Variants in ATXN3 observed in about 807,000 individuals in gnomAD.
The protein encoded by ATXN3 is ataxin-3.
ATXN3 carries 28 observed loss-of-function variants against 58.2 expected under a neutral mutation model. That is an observed-to-expected ratio of 0.48 (90% CI 0.36 to 0.66). The LOEUF is 0.66. Ranked by LOEUF, ATXN3 falls within the 30% of genes least tolerant of loss-of-function variation. The pLI is 0.00. For missense variants in ATXN3, 321 were observed against 422.1 expected (o/e 0.76, Z 2.10); for synonymous variants, 113 against 138.5 (o/e 0.82, Z 1.29).
At chr14:92,071,659 A>G in intron 9 of ATXN3, 1 of 248,698 alleles carries the variant, frequency 4.0e-6, no homozygotes. Context: ...TTCTTATGCA[A>G]ATGAGTGTTG....
intron 10 of ATXN3, among the ~76,000 whole-genome samples, chr14:92,066,774 A>AAT (rs1555395319): frequency 7.1e-6 from 1 of 140,546 alleles, no homozygotes; most frequent in African/African-American, 2.7e-5. Context: ...AGCCTGGATA[A>AAT]TTTTTTTTTT....
chr14:92,063,312 C>G lies in ATXN3; in HGVS notation c.*1008G>C, dbSNP rs1202899552. On this transcript the variant is annotated 3_prime_UTR_variant, in exon 11 of 11. Coordinates refer to ENST00000644486, the MANE Select transcript of ATXN3 (RefSeq NM_004993.6). ...CCATGACTCAACTGTAAAGAGAACA[C>G]AAAGCTCCAGTCATAGGAGAAAAAA... 1.3e-5 allele frequency: 2 copies of G among 152,270 alleles called. No individual in the cohort carries two copies. Among genetic ancestry groups the G allele is most frequent in the South Asian group, 4.1e-4 (2 of 4,826 alleles). The allele number at this position is 152,270 out of a possible 1,614,324, so 9.4% of individuals were successfully genotyped here.
intron 6 of ATXN3, among the ~76,000 whole-genome samples, chr14:92,084,641 A>C (rs2062045069): frequency 6.6e-6 from 1 of 151,584 alleles, no homozygotes; most frequent in Non-Finnish European, 1.5e-5. Flanking sequence ...CAGTGGTGCA[A>C]TATTAGCTCA....
intron 1 of ATXN3, chr14:92,048,026 G>A (rs111269625): frequency 0.23 from 35,318 of 152,676 alleles, 4,176 homozygotes; most frequent in East Asian, 0.34. Context: ...GAGAGCCTTT[G>A]GCCAGAGTTC....
At chr14:92,085,941 A>G (rs1296784181) in intron 6 of ATXN3, among the ~76,000 whole-genome samples, 2 of 152,248 alleles carry the variant, frequency 1.3e-5, no homozygotes, top group Non-Finnish European at 2.9e-5. Flanking sequence ...CAGGGTTTCT[A>G]AGAAGGGATA....
chr14:92,057,084 G>T (rs1190130264), downstream of ATXN3, among the ~76,000 whole-genome samples: 1 of 152,130 alleles, frequency 6.6e-6, no homozygotes, highest in African/African-American at 2.4e-5. Context: ...ACCCTAAATG[G>T]TCTAAAAAGG....
intron 1 of ATXN3, among the ~76,000 whole-genome samples, chr14:92,099,799 G>A (rs1377785968): frequency 3.9e-5 from 6 of 152,076 alleles, no homozygotes; most frequent in Non-Finnish European, 8.8e-5. Flanking sequence ...CCCCAAAAAG[G>A]TCGAGGCTAC....
At chr14:92,075,323 C>A (rs995755502) in intron 9 of ATXN3, among the ~76,000 whole-genome samples, 1 of 152,068 alleles carries the variant, frequency 6.6e-6, no homozygotes, top group African/African-American at 2.4e-5. Flanking sequence ...CGCCACCATA[C>A]TCGGCTAATT....
rs566768477 is a variant in ATXN3 at position 92,077,238 on chromosome 14, T to C, written c.872+3727A>G. Among the ~76,000 whole-genome samples the C allele has an allele frequency of 2.0e-5, 3 of 152,274 alleles. No homozygotes were observed. The South Asian group carries it at 6.2e-4, about 32-fold the overall frequency. On this transcript the variant is annotated intron_variant, in intron 9 of 10. Coordinates refer to ENST00000644486, the MANE Select transcript of ATXN3 (RefSeq NM_004993.6). ...ATCATGCAGCCTGTTACAAAGACTA[T>C]TTACTGTCATAGGAAATGAGTACAA...
intron 6 of ATXN3, among the ~76,000 whole-genome samples, chr14:92,086,581 A>C (rs2062604712): frequency 6.6e-6 from 1 of 151,064 alleles, no homozygotes; most frequent in African/African-American, 2.4e-5. Flanking sequence ...AAAAAAAAAA[A>C]AATTAGCCGG....
chr14:92,076,592 T>G (rs1208740390), intron 9 of ATXN3, among the ~76,000 whole-genome samples: 1 of 152,088 alleles, frequency 6.6e-6, no homozygotes, highest in Non-Finnish European at 1.5e-5. Flanking sequence ...CCTGTAAATT[T>G]TGTATTATAG....
At position 92,080,963 on chromosome 14, in the gene ATXN3, A is replaced by G; in HGVS notation, c.872+2T>C. 1 of 1,596,836 alleles carries G rather than the reference A, an allele frequency of 6.3e-7. No homozygotes were observed. On this transcript the variant is annotated splice_donor_variant, in intron 9 of 10. Coordinates refer to ENST00000644486, the MANE Select transcript of ATXN3 (RefSeq NM_004993.6). LOFTEE classifies it high-confidence loss of function. ...TACTTTAACTTGTACCAACTACTTT[A>G]CTTTTCAAAGTAGGCTTCTCGTCTC...
At chr14:92,078,104 A>G (rs1441602583) in intron 9 of ATXN3, among the ~76,000 whole-genome samples, 1 of 149,958 alleles carries the variant, frequency 6.7e-6, no homozygotes, top group African/African-American at 2.5e-5. Flanking sequence ...CCTCCTGAGT[A>G]GCTGGGATTA....
At chr14:92,078,997 A>C (rs1339983958) in intron 9 of ATXN3, among the ~76,000 whole-genome samples, 1 of 151,980 alleles carries the variant, frequency 6.6e-6, no homozygotes, top group African/African-American at 2.4e-5. Flanking sequence ...GCCAGCCTGG[A>C]CGACATGGTG....
At chr14:92,053,492 CTT>C (rs540092730), upstream of ATXN3, among the ~76,000 whole-genome samples, 4 of 134,766 alleles carry the variant, frequency 3.0e-5, no homozygotes, top group Non-Finnish European at 1.6e-5. Context: ...TTCTTTCTTT[CTT>C]TTTTTTTTTT....
At chr14:92,094,567 AG>A (rs1282530674) in intron 3 of ATXN3, among the ~76,000 whole-genome samples, 1 of 152,250 alleles carries the variant, frequency 6.6e-6, no homozygotes, top group Non-Finnish European at 1.5e-5. Context: ...AAGGTTCCAT[AG>A]ATGTCAGACT....
In ATXN3 at chr14:92,064,404, C is replaced by A; in HGVS notation, c.1002G>T (p.Met334Ile). ...CTGCCTGAAGCATGTCTTCTTCACT[C>A]ATAGCATCACCTGTTGGGAAACAAA... ...GALGSDLGDA[M>I]SEEDMLQAAV... The change falls in exon 11 of 11, where the codon ATG (methionine) becomes ATT (isoleucine). Residue 334 changes from methionine (M) to isoleucine (I), a missense_variant. Transcript: ENST00000644486. 6.2e-7 allele frequency: 1 copy of A among 1,610,698 alleles called. No homozygotes were observed. Among genetic ancestry groups the A allele is most frequent in the South Asian group, 1.1e-5 (1 of 90,328 alleles).
chr14:92,083,017 A>T, intron 7 of ATXN3, 109 bp downstream of exon 7: 1 of 1,353,138 alleles, frequency 7.4e-7, no homozygotes. Context: ...ATAAGGTCCA[A>T]AATAGAGTCG....
At chr14:92,049,698 G>C (rs959182687) in exon 1 of ATXN3, 3 of 162,952 alleles carry the variant, frequency 1.8e-5, no homozygotes, top group Non-Finnish European at 3.9e-5. Context: ...AAGGACAGGG[G>C]ACCCGTCTCC....
Sources: gnomAD v4.1 joint callset for allele counts (sites outside exome capture counted in the v4.1 genomes callset) on GRCh38, gnomAD v4.1.1 for gene constraint, MANE v1.5 for transcripts, NCBI Gene and HGNC (gene_info 2026-07-23, HGNC 2026-07-21) for gene names.